Variants in PRR11 observed in about 807,000 individuals in gnomAD.
PRR11 encodes proline-rich protein 11.
Under a neutral mutation model 45.6 loss-of-function variants are expected in PRR11, and 30 were observed. The observed-to-expected ratio is 0.66, with a 90% CI of 0.49 to 0.89. The LOEUF is 0.89. PRR11 is among the 40% of genes least tolerant of loss of function. The probability of loss-of-function intolerance (pLI) is 0.00; values close to 1 mark genes in which losing one functional copy is unlikely to be tolerated. For synonymous variants in PRR11, 128 were observed against 153.5 expected (o/e 0.83, Z 1.23); for missense variants, 373 against 424.8 (o/e 0.88, Z 1.07).
intron 4 of PRR11, among the ~76,000 whole-genome samples, chr17:59,188,423 C>T (rs2046824408): frequency 2.0e-5 from 3 of 152,068 alleles, no homozygotes; most frequent in East Asian, 1.9e-4. Context: ...AAATTTTGTA[C>T]ATATGTACAA....
chr17:59,186,532 C>A (rs1393012226), intron 4 of PRR11, among the ~76,000 whole-genome samples: 3 of 150,968 alleles, frequency 2.0e-5, no homozygotes, highest in African/African-American at 7.3e-5. Context: ...GTAGCTGGGA[C>A]CAGAGGTGTG....
intron 5 of PRR11, among the ~76,000 whole-genome samples, 197 bp from the exon 6 acceptor site, chr17:59,194,560 C>G (rs2046855814): frequency 6.6e-6 from 1 of 152,064 alleles, no homozygotes; most frequent in Non-Finnish European, 1.5e-5. Flanking sequence ...GTGGGGGAAG[C>G]CTTACATTTT....
rs2046909681 is a variant in PRR11 at position 59,204,680 on chromosome 17, T to C, written c.*3049T>C. 1 of 149,392 alleles carries C rather than the reference T, an allele frequency of 6.7e-6. No individual in the cohort carries two copies. Among genetic ancestry groups the C allele is most frequent in the African/African-American group, 2.5e-5 (1 of 40,002 alleles). 9.3% of individuals were successfully genotyped at this position (149,392 alleles called of 1,614,324 possible). On this transcript the variant is annotated 3_prime_UTR_variant, in exon 10 of 10. Coordinates refer to ENST00000262293, the MANE Select transcript of PRR11 (RefSeq NM_018304.4). ...AAGATCACACCACTCCACTCCAGTCTGGACAACAGAGTGAGACCCTGTGTC... is the reference window on the plus strand; with the variant it reads ...AAGATCACACCACTCCACTCCAGTCCGGACAACAGAGTGAGACCCTGTGTC...
chr17:59,198,657 G>A (rs566151050), intron 9 of PRR11, among the ~76,000 whole-genome samples: 2 of 151,780 alleles, frequency 1.3e-5, no homozygotes, highest in Admixed American at 1.3e-4. Context: ...CTGGGTGACA[G>A]AGCGAGACTT....
At position 59,202,216 on chromosome 17, in the gene PRR11, G is replaced by C. The variant is rs994844733; in HGVS notation, c.*585G>C. 1 of 153,408 alleles carries C rather than the reference G, an allele frequency of 6.5e-6. No individual in the cohort carries two copies. Among genetic ancestry groups the C allele is most frequent in the Non-Finnish European group, 1.5e-5 (1 of 68,918 alleles). 9.5% of individuals were successfully genotyped at this position (153,408 alleles called of 1,614,324 possible). ...GGAATTACCCAATTTAGATTAGAGA[G>C]GTTGTTCAAATTTAACTAGATAACT... On this transcript the variant is annotated 3_prime_UTR_variant, in exon 10 of 10. Coordinates refer to ENST00000262293, the MANE Select transcript of PRR11 (RefSeq NM_018304.4).
chr17:59,205,274 T>C lies in PRR11; in HGVS notation c.*3643T>C, dbSNP rs1395062168. ...TTATCATATGCTCCCGGTGTTTACT[T>C]TGAGACTGAATGGCAACCAGAGAAT... On this transcript the variant is annotated 3_prime_UTR_variant, in exon 10 of 10. Coordinates refer to ENST00000262293, the MANE Select transcript of PRR11 (RefSeq NM_018304.4). Among the ~76,000 whole-genome samples, 4 of 151,992 alleles carry C rather than the reference T, an allele frequency of 2.6e-5. No homozygotes were observed. The highest frequency in any genetic ancestry group is 5.9e-5 in the Non-Finnish European group (4 of 67,986).
rs969923291 is a variant in PRR11 at position 59,204,882 on chromosome 17, G to A, written c.*3251G>A. ...CAACTCTACAAAAAACGAAAAATTA[G>A]CCGGGAGCGGTGATGTGTGCCTGTA... On this transcript the variant is annotated 3_prime_UTR_variant, in exon 10 of 10. Coordinates refer to ENST00000262293, the MANE Select transcript of PRR11 (RefSeq NM_018304.4). 3.3e-5 allele frequency among the ~76,000 whole-genome samples: 5 copies of A among 152,018 alleles called. No homozygotes were observed. The highest frequency in any genetic ancestry group is 6.8e-3 in the Middle Eastern group (2 of 294).
intron 2 of PRR11, among the ~76,000 whole-genome samples, chr17:59,172,365 CGT>C (rs987947957): frequency 3.9e-5 from 6 of 152,256 alleles, no homozygotes; most frequent in African/African-American, 1.4e-4. Context: ...GAGGTGACAG[CGT>C]GCTGGCAGCC....
At chr17:59,180,742 G>A (rs2046780626) in intron 2 of PRR11, among the ~76,000 whole-genome samples, 1 of 151,358 alleles carries the variant, frequency 6.6e-6, no homozygotes. Flanking sequence ...CTGACCTCAG[G>A]TGATCCACCC....
intron 1 of PRR11, among the ~76,000 whole-genome samples, chr17:59,157,689 G>A (rs372755810): frequency 1.5e-4 from 23 of 151,686 alleles, no homozygotes; most frequent in African/African-American, 2.2e-4. Flanking sequence ...GTGACAGAGC[G>A]AGACTCTGTC....
At chr17:59,199,541 AC>A (rs1365859285) in intron 9 of PRR11, among the ~76,000 whole-genome samples, 4 of 152,112 alleles carry the variant, frequency 2.6e-5, no homozygotes, top group Non-Finnish European at 5.9e-5. Flanking sequence ...CTTCTTCCAA[AC>A]CCTGTTGATC....
chr17:59,180,505 T>G (rs2046777021), intron 2 of PRR11, among the ~76,000 whole-genome samples: 1 of 124,220 alleles, frequency 8.1e-6, no homozygotes, highest in African/African-American at 3.3e-5. Context: ...TGTTTTTTTT[T>G]TTTTGTTTTT....
rs759378467 is a variant in PRR11, at chr17:59,179,353, C to T, written c.129-5701C>T. 7.5e-4 allele frequency among the ~76,000 whole-genome samples: 114 copies of T among 152,082 alleles called. 1 individual carries two copies. Among genetic ancestry groups the T allele is most frequent in the Non-Finnish European group, 2.2e-4 (15 of 68,012 alleles). On this transcript the variant is annotated intron_variant, in intron 2 of 9. Transcript: ENST00000262293. ...GTGGTGCCATCATAGCTCACTGCAG[C>T]CTCAAAGTCCTGAGTTCAAGCAATC... is the stretch of plus-strand genomic sequence containing the variant.
intron 2 of PRR11, among the ~76,000 whole-genome samples, chr17:59,181,127 C>A: frequency 6.6e-6 from 1 of 151,552 alleles, no homozygotes; most frequent in East Asian, 1.9e-4. Context: ...GTAGCTAGGA[C>A]TACAGGCGCC....
rs536106904 is a variant in PRR11 at position 59,202,154 on chromosome 17, G to C, written c.*523G>C. 1.3e-5 allele frequency: 2 copies of C among 153,942 alleles called. No homozygotes were observed. The highest frequency in any genetic ancestry group is 2.0e-4 in the South Asian group (1 of 4,976). 9.5% of individuals were successfully genotyped at this position (153,942 alleles called of 1,614,324 possible). A position where few individuals can be genotyped will look rare whatever the true frequency, so the allele number is the denominator to read the frequency against. ...GTTTGCATGATGATTAAGAGAACCA[G>C]ATGGGAAAATACAATCTCCAAAGTG... On this transcript the variant is annotated 3_prime_UTR_variant, in exon 10 of 10. Transcript: ENST00000262293.
At chr17:59,184,845 A>AT (rs2046805711) in intron 2 of PRR11, among the ~76,000 whole-genome samples, 1 of 134,080 alleles carries the variant, frequency 7.5e-6, no homozygotes, top group Non-Finnish European at 1.6e-5. Context: ...ACCATGCCTG[A>AT]TTAAGTTTTT....
At chr17:59,171,349 C>T (rs1401074527) in intron 2 of PRR11, among the ~76,000 whole-genome samples, 2 of 151,320 alleles carry the variant, frequency 1.3e-5, no homozygotes, top group Non-Finnish European at 2.9e-5. Context: ...ATACAGTAAA[C>T]ATCAAATAAA....
At chr17:59,170,818 C>G (rs2147837975) in intron 2 of PRR11, among the ~76,000 whole-genome samples, 1 of 152,270 alleles carries the variant, frequency 6.6e-6, no homozygotes, top group East Asian at 1.9e-4. Context: ...TGTCACATGA[C>G]AGCAAATAAT....
chr17:59,181,534 T>A, intron 2 of PRR11: 1 of 1,189,176 alleles, frequency 8.4e-7, no homozygotes, highest in Non-Finnish European at 1.2e-6. Context: ...GAAGTCCTCA[T>A]GGTGCTCAGG....
Sources: gnomAD v4.1 joint callset for allele counts (sites outside exome capture counted in the v4.1 genomes callset) on GRCh38, gnomAD v4.1.1 for gene constraint, MANE v1.5 for transcripts, NCBI Gene and HGNC (gene_info 2026-07-23, HGNC 2026-07-21) for gene names.